Variants in PTGER3 observed in about 807,000 individuals in gnomAD.
PTGER3 encodes the protein prostaglandin E2 receptor EP3 subtype.
A neutral mutation model predicts 34.7 loss-of-function variants in PTGER3; 22 were observed. The ratio of observed to expected loss-of-function variants is 0.63; its 90% CI spans 0.45 to 0.91. The LOEUF (loss-of-function observed/expected upper bound fraction) is 0.91, where lower values mean the gene tolerates loss of function less well. Among genes scored for constraint, PTGER3 ranks in the 40% least tolerant of loss-of-function variants. The pLI is 0.00. For synonymous variants in PTGER3, 241 were observed against 230.1 expected (o/e 1.05, Z -0.43); for missense variants, 468 against 519.4 (o/e 0.90, Z 0.96).
rs371582410 is a variant in PTGER3 at position 70,995,681 on chromosome 1, TAAC to T, written c.1077+16621_1077+16623del. On this transcript the variant is annotated intron_variant, in intron 2 of 3. Transcript: ENST00000306666. ...TTAATTATTTATAAAATAGGAATAA[TAAC>T]AACACTCCCTAGCTAACTAAAAATT... is the stretch of plus-strand genomic sequence containing the variant. Among the ~76,000 whole-genome samples the T allele has an allele frequency of 3.8e-3, 579 of 152,178 alleles. 3 individuals are homozygous for T. The highest frequency in any genetic ancestry group is 0.013 in the African/African-American group (549 of 41,502).
intron 4 of PTGER3, among the ~76,000 whole-genome samples, chr1:70,933,841 A>G (rs1325493808): frequency 6.6e-6 from 1 of 152,132 alleles, no homozygotes. Flanking sequence ...CAGAAATTGG[A>G]GAAACATTAA....
intron 2 of PTGER3, chr1:71,011,263 G>A (rs1396883907): frequency 2.0e-6 from 2 of 985,236 alleles, no homozygotes; most frequent in Non-Finnish European, 2.4e-6. Flanking sequence ...AAGGGTCAAT[G>A]TTATTAACTT....
chr1:70,959,955 G>T (rs936068692), intron 2 of PTGER3, among the ~76,000 whole-genome samples: 2 of 152,060 alleles, frequency 1.3e-5, no homozygotes, highest in African/African-American at 4.8e-5. Context: ...TTAAGATGAG[G>T]TAGGATGGGC....
intron 4 of PTGER3, among the ~76,000 whole-genome samples, chr1:70,942,415 T>C (rs1001782723): frequency 1.6e-4 from 25 of 152,196 alleles, no homozygotes; most frequent in African/African-American, 6.0e-4. Context: ...ATTCAATCCT[T>C]AATTACCTTT....
chr1:70,929,611 A>C (rs1279956143), intron 4 of PTGER3, among the ~76,000 whole-genome samples: 1 of 152,206 alleles, frequency 6.6e-6, no homozygotes, highest in African/African-American at 2.4e-5. Context: ...ACTGGAAAAC[A>C]GGTGAAAAGA....
chr1:71,047,691 C>T lies in PTGER3; in HGVS notation c.-114G>A, dbSNP rs1230779783. 2 of 1,273,852 alleles carry T rather than the reference C, an allele frequency of 1.6e-6. No individual in the cohort carries two copies. Among genetic ancestry groups the T allele is most frequent in the Non-Finnish European group, 2.1e-6 (2 of 958,446 alleles). The allele number at this position is 1,273,852 out of a possible 1,614,324, so 78.9% of individuals were successfully genotyped here. ...TTACCGCGGCTGGGGCTGGGCTGCC[C>T]CCCATGGTGCGGGGCGCAGCCGCCG... On this transcript the variant is annotated 5_prime_UTR_variant, in exon 1 of 4. Coordinates refer to ENST00000306666, the MANE Select transcript of PTGER3 (RefSeq NM_198719.2).
Position 71,047,326 on chromosome 1 carries a change from G to T in PTGER3, c.252C>A (p.Arg84=). 1 of 1,606,620 alleles carries T rather than the reference G, an allele frequency of 6.2e-7. No homozygotes were observed. Among genetic ancestry groups the T allele is most frequent in the South Asian group, 1.1e-5 (1 of 89,498 alleles). The change falls in exon 1 of 4, where the codon CGC becomes CGA. Residue 84 remains arginine, a synonymous_variant. Transcript: ENST00000306666. Reference sequence around the variant, plus strand: ...CGATGCACAGCAGGAAGGACTTCTTGCGCTTGCTCTCCCGGCGCCGGTAGC... The same window carrying T: ...CGATGCACAGCAGGAAGGACTTCTTTCGCTTGCTCTCCCGGCGCCGGTAGC... ...SRSYRRRESK[R]KKSFLLCIGW...
chr1:70,927,100 T>A (rs1027805168), intron 4 of PTGER3, among the ~76,000 whole-genome samples: 1 of 152,280 alleles, frequency 6.6e-6, no homozygotes, highest in African/African-American at 2.4e-5. Context: ...TTATTGGGGA[T>A]TTTTGCATCA....
chr1:71,026,172 AC>A (rs1049862999), intron 1 of PTGER3, among the ~76,000 whole-genome samples: 4 of 151,904 alleles, frequency 2.6e-5, no homozygotes, highest in African/African-American at 7.3e-5. Context: ...CACAAAACAC[AC>A]CCCTGGCTAA....
At chr1:70,856,405 A>G (rs1410337176) in intron 4 of PTGER3, among the ~76,000 whole-genome samples, 2 of 145,180 alleles carry the variant, frequency 1.4e-5, no homozygotes, top group African/African-American at 5.1e-5. Context: ...GCACCATTGC[A>G]CTCCAGCCTG....
At chr1:70,929,476 ATAAT>A (rs1295581366) in intron 4 of PTGER3, among the ~76,000 whole-genome samples, 1 of 152,222 alleles carries the variant, frequency 6.6e-6, no homozygotes, top group African/African-American at 2.4e-5. Context: ...TATTGACTAA[ATAAT>A]TAACTTTGTT....
intron 2 of PTGER3, among the ~76,000 whole-genome samples, chr1:70,981,756 A>G (rs533552245): frequency 5.6e-4 from 85 of 152,152 alleles, no homozygotes; most frequent in African/African-American, 2.0e-3. Context: ...TTAAGCTAAC[A>G]TAAGTTTTGA....
At chr1:70,997,819 A>G (rs1168302404) in intron 2 of PTGER3, among the ~76,000 whole-genome samples, 1 of 152,246 alleles carries the variant, frequency 6.6e-6, no homozygotes, top group Non-Finnish European at 1.5e-5. Flanking sequence ...CTTTTACACC[A>G]ATTCCAATAT....
intron 4 of PTGER3, among the ~76,000 whole-genome samples, chr1:70,943,603 A>G (rs1649949040): frequency 6.6e-6 from 1 of 152,090 alleles, no homozygotes; most frequent in African/African-American, 2.4e-5. Flanking sequence ...CCCTCAAACC[A>G]AGCAGTTGGT....
At chr1:70,897,870 T>C (rs1646753774) in intron 4 of PTGER3, among the ~76,000 whole-genome samples, 1 of 152,186 alleles carries the variant, frequency 6.6e-6, no homozygotes, top group Non-Finnish European at 1.5e-5. Flanking sequence ...CTCCCTAAAA[T>C]ATCATCAGTT....
chr1:70,913,450 G>A (rs936897513), intron 4 of PTGER3, among the ~76,000 whole-genome samples: 5 of 151,892 alleles, frequency 3.3e-5, no homozygotes, highest in East Asian at 3.9e-4. Flanking sequence ...TAGAAAGTTC[G>A]TTTTTAAATG....
chr1:70,981,392 TTTCCTTCCTTCC>T (rs71586957), intron 2 of PTGER3, among the ~76,000 whole-genome samples: 1,594 of 40,374 alleles, frequency 0.039, 94 homozygotes, highest in East Asian at 0.15. Flanking sequence ...TCTTTCTTTC[TTTCCTTCCTTCC>T]TTCCTTCCTT....
chr1:70,869,141 G>C (rs550587149), intron 4 of PTGER3: 3 of 365,518 alleles, frequency 8.2e-6, no homozygotes, highest in Non-Finnish European at 1.6e-5. Context: ...AAAACAGAAG[G>C]CACTTCATAT....
At chr1:70,922,351 C>CTACATGA (rs201376268) in intron 4 of PTGER3, among the ~76,000 whole-genome samples, 21,557 of 152,082 alleles carry the variant, frequency 0.14, 1,950 homozygotes, top group East Asian at 0.42. Context: ...TGTAGATGGT[C>CTACATGA]TGTGTGAGTC....
Sources: gnomAD v4.1 joint callset for allele counts (sites outside exome capture counted in the v4.1 genomes callset) on GRCh38, gnomAD v4.1.1 for gene constraint, MANE v1.5 for transcripts, NCBI Gene and HGNC (gene_info 2026-07-23, HGNC 2026-07-21) for gene names.